Variants in GTF2E2 observed in about 807,000 individuals in gnomAD.
The protein encoded by GTF2E2 is transcription initiation factor IIE subunit beta.
In GTF2E2, 21 loss-of-function variants were observed where a neutral mutation model predicts 40.5. The observed-to-expected ratio is 0.52, with a 90% CI of 0.37 to 0.75. The LOEUF (loss-of-function observed/expected upper bound fraction) is 0.75. GTF2E2 is among the 30% of genes least tolerant of loss of function. The probability of loss-of-function intolerance (pLI) is 0.00; values close to 1 mark genes in which losing one functional copy is unlikely to be tolerated. For synonymous variants in GTF2E2, 117 were observed against 121.6 expected, an observed-to-expected ratio of 0.96 and a Z score of 0.25; for missense variants, 298 against 338.4, an observed-to-expected ratio of 0.88 and a Z score of 0.94.
At chr8:30,589,300 T>C (rs1252879264) in intron 6 of GTF2E2, among the ~76,000 whole-genome samples, 2 of 152,188 alleles carry the variant, frequency 1.3e-5, no homozygotes, top group African/African-American at 4.8e-5. Flanking sequence ...CTCACACCTG[T>C]AATCCCAGTA....
intron 2 of GTF2E2, among the ~76,000 whole-genome samples, chr8:30,644,066 GTTATC>G (rs762515838): frequency 2.2e-4 from 33 of 152,146 alleles, no homozygotes; most frequent in Non-Finnish European, 3.5e-4. Context: ...TAGTGCACAG[GTTATC>G]TTATAATTTT....
At chr8:30,652,559 A>C (rs1323517220) in intron 2 of GTF2E2, among the ~76,000 whole-genome samples, 1 of 152,186 alleles carries the variant, frequency 6.6e-6, no homozygotes, top group African/African-American at 2.4e-5. Context: ...AAAAAAAAAA[A>C]AACAGAATTT....
chr8:30,594,639 C>T (rs1185023826), intron 6 of GTF2E2, among the ~76,000 whole-genome samples: 1 of 151,570 alleles, frequency 6.6e-6, no homozygotes, highest in Non-Finnish European at 1.5e-5. Context: ...GGGAAGATCG[C>T]CTGAGGTCAG....
chr8:30,586,918 CAG>C (rs1282571229), intron 6 of GTF2E2, among the ~76,000 whole-genome samples: 2 of 152,096 alleles, frequency 1.3e-5, no homozygotes, highest in Non-Finnish European at 2.9e-5. Flanking sequence ...CAAGAAAACA[CAG>C]GGAAAACAAC....
Position 30,578,727 on chromosome 8 carries a change from A to T in GTF2E2, c.*194T>A. ...AGGGAGTAACAGAAGGTTAACAGGG[A>T]ACATCACATTGCCCATGAGCCCATT... On this transcript the variant is annotated 3_prime_UTR_variant, in exon 8 of 8. Transcript: ENST00000355904. 6.0e-6 allele frequency: 3 copies of T among 503,304 alleles called. No homozygotes were observed. The South Asian group carries it at 7.2e-5, about 12-fold the overall frequency. The allele number at this position is 503,304 out of a possible 1,614,324, so 31.2% of individuals were successfully genotyped here.
intron 3 of GTF2E2, among the ~76,000 whole-genome samples, chr8:30,631,848 C>A (rs1247882636): frequency 1.3e-5 from 2 of 152,210 alleles, no homozygotes; most frequent in Non-Finnish European, 2.9e-5. Flanking sequence ...GTAATCCCAG[C>A]ACTTCAGGAG....
At chr8:30,639,898 G>A (rs62505311) in intron 2 of GTF2E2, among the ~76,000 whole-genome samples, 7 of 151,664 alleles carry the variant, frequency 4.6e-5, no homozygotes, top group Non-Finnish European at 7.4e-5. Flanking sequence ...GCACAGTGGG[G>A]TTAATTATCT....
chr8:30,642,859 C>T (rs1049161829), intron 2 of GTF2E2, among the ~76,000 whole-genome samples: 2 of 152,194 alleles, frequency 1.3e-5, no homozygotes, highest in African/African-American at 4.8e-5. Context: ...ATGTATCTGT[C>T]TGCCTTCCTG....
chr8:30,599,312 C>T (rs1398201158), intron 6 of GTF2E2, among the ~76,000 whole-genome samples: 1 of 152,182 alleles, frequency 6.6e-6, no homozygotes, highest in Non-Finnish European at 1.5e-5. Flanking sequence ...CACAGTGGCT[C>T]ACGCCTGTTA....
At chr8:30,623,361 C>T (rs2151137553) in intron 3 of GTF2E2, among the ~76,000 whole-genome samples, 1 of 152,198 alleles carries the variant, frequency 6.6e-6, no homozygotes. Flanking sequence ...CATGTCCCTA[C>T]AAAGGACATG....
intron 2 of GTF2E2, among the ~76,000 whole-genome samples, chr8:30,643,009 T>G (rs1801906135): frequency 1.3e-5 from 2 of 152,226 alleles, no homozygotes; most frequent in Non-Finnish European, 2.9e-5. Flanking sequence ...GAGTGCAATG[T>G]GCATTTTCCT....
chr8:30,623,409 T>G (rs1415980520), intron 3 of GTF2E2, among the ~76,000 whole-genome samples: 1 of 152,094 alleles, frequency 6.6e-6, no homozygotes, highest in African/African-American at 2.4e-5. Flanking sequence ...TATTCCATGG[T>G]GTATATGTGC....
At chr8:30,626,376 T>C (rs551282698) in intron 3 of GTF2E2, among the ~76,000 whole-genome samples, 3 of 152,212 alleles carry the variant, frequency 2.0e-5, no homozygotes, top group African/African-American at 7.2e-5. Flanking sequence ...TCCCAGCTAC[T>C]TGGGAGGCTG....
chr8:30,580,563 G>A (rs1418134609), intron 6 of GTF2E2, among the ~76,000 whole-genome samples, 167 bp from the exon 7 acceptor site: 5 of 152,186 alleles, frequency 3.3e-5, no homozygotes, highest in Admixed American at 1.3e-4. Context: ...ACACGGTGCA[G>A]GGAAAGGCCT....
At chr8:30,645,368 A>C (rs1448040490) in intron 2 of GTF2E2, 3 of 1,535,602 alleles carry the variant, frequency 2.0e-6, no homozygotes, top group African/African-American at 1.4e-5. Context: ...CTTGGTTTTC[A>C]AGTTCAAAAA....
intron 2 of GTF2E2, among the ~76,000 whole-genome samples, chr8:30,650,885 G>T (rs9642779): frequency 6.6e-5 from 10 of 151,822 alleles, no homozygotes; most frequent in African/African-American, 2.2e-4. Flanking sequence ...ATGGCGATGG[G>T]TGCCTGTAGT....
Position 30,658,172 on chromosome 8 carries a change from G to A in GTF2E2, c.-204C>T, listed in dbSNP as rs1392439906. The A allele has an allele frequency of 5.1e-6, 1 of 195,014 alleles. No homozygotes were observed. The highest frequency in any genetic ancestry group is 6.3e-5 in the Admixed American group (1 of 15,874). 12.1% of individuals were successfully genotyped at this position (195,014 alleles called of 1,614,324 possible). ...GGCGGCGGCGGCGGCAGCGGCGGTA[G>A]CTGAGGCGGCGACTGGACCCGGGAC... On this transcript the variant is annotated 5_prime_UTR_variant, in exon 1 of 8. Transcript: ENST00000355904.
At chr8:30,579,871 T>TG (rs750877074) in intron 7 of GTF2E2, among the ~76,000 whole-genome samples, 11 of 152,222 alleles carry the variant, frequency 7.2e-5, no homozygotes, top group Non-Finnish European at 5.9e-5. Flanking sequence ...AAAGTTACTA[T>TG]GGCAGAACCA....
At chr8:30,607,684 C>T (rs1219956709) in intron 5 of GTF2E2, among the ~76,000 whole-genome samples, 2 of 152,128 alleles carry the variant, frequency 1.3e-5, no homozygotes, top group African/African-American at 4.8e-5. Flanking sequence ...AAAAATAAAA[C>T]GTGTTTCACT....
Sources: gnomAD v4.1 joint callset for allele counts (sites outside exome capture counted in the v4.1 genomes callset) on GRCh38, gnomAD v4.1.1 for gene constraint, MANE v1.5 for transcripts, NCBI Gene and HGNC (gene_info 2026-07-23, HGNC 2026-07-21) for gene names.